Variants in ABLIM1 observed in about 807,000 individuals in gnomAD.
ABLIM1 encodes the protein actin binding LIM protein 1.
In ABLIM1, 40 loss-of-function variants were observed where a neutral mutation model predicts 107.0. That is an observed-to-expected ratio of 0.37 (90% CI 0.29 to 0.49). The LOEUF is 0.49. ABLIM1 is among the 20% of genes least tolerant of loss of function. The probability of loss-of-function intolerance (pLI) is 0.97; values close to 1 mark genes in which losing one functional copy is unlikely to be tolerated. For synonymous variants in ABLIM1, 357 were observed against 357.3 expected (o/e 1.00, Z 0.01); for missense variants, 857 against 1,008.5 (o/e 0.85, Z 2.04).
intron 2 of ABLIM1, among the ~76,000 whole-genome samples, chr10:114,587,596 G>A (rs995112183): frequency 6.6e-6 from 1 of 152,062 alleles, no homozygotes; most frequent in East Asian, 1.9e-4. Flanking sequence ...GGAGCATCAC[G>A]GTTCCATTTA....
rs2077308608 is a variant in ABLIM1, at chr10:114,619,161, AT to A, written c.245-17201del. 6.7e-6 allele frequency among the ~76,000 whole-genome samples: 1 copy of A among 149,954 alleles called. No homozygotes were observed. Among genetic ancestry groups the A allele is most frequent in the Admixed American group, 6.6e-5 (1 of 15,132 alleles). ...GGTGAACTCTCTCCAAAGCCCTTAAATTATATTTTTTCTTTTTTTTTTCTTT... is the reference window on the plus strand; with the variant it reads ...GGTGAACTCTCTCCAAAGCCCTTAAATATATTTTTTCTTTTTTTTTTCTTT... On this transcript the variant is annotated intron_variant, in intron 1 of 22. Coordinates refer to ENST00000533213, the MANE Select transcript of ABLIM1 (RefSeq NM_002313.7). This position sits in a 1 kb window ranked among gnomAD's most constrained non-coding sequence, Gnocchi z 4.1.
At chr10:114,512,248 G>C (rs2061987753) in intron 6 of ABLIM1, among the ~76,000 whole-genome samples, 1 of 152,218 alleles carries the variant, frequency 6.6e-6, no homozygotes, top group Non-Finnish European at 1.5e-5. Flanking sequence ...GAAAGAAAAT[G>C]TGTTACAATC....
the ABLIM1 span, among the ~76,000 whole-genome samples, chr10:114,776,725 C>T: frequency 6.6e-5 from 10 of 152,146 alleles, no homozygotes; most frequent in Admixed American, 2.0e-4. Context: ...CCTGAGCTCC[C>T]GCCTCAGCCT....
chr10:114,468,976 C>T (rs183983391), intron 10 of ABLIM1, among the ~76,000 whole-genome samples: 105 of 149,628 alleles, frequency 7.0e-4, no homozygotes, highest in Middle Eastern at 3.5e-3. Context: ...GGCGTGAACC[C>T]GGAAGGCGAA....
intron 4 of ABLIM1, 82 bp from the exon 5 acceptor site, chr10:114,547,858 G>A: frequency 2.0e-6 from 3 of 1,535,992 alleles, no homozygotes; most frequent in South Asian, 2.4e-5. Flanking sequence ...ACCCCACTGT[G>A]TGCCCATCAC....
chr10:114,589,553 A>G (rs1281480962), intron 2 of ABLIM1, among the ~76,000 whole-genome samples: 3 of 149,228 alleles, frequency 2.0e-5, no homozygotes, highest in Admixed American at 6.7e-5. Context: ...AGAGAGAGAG[A>G]GAGGGGCTTG....
intron 22 of ABLIM1, 54 bp from the exon 23 acceptor site, chr10:114,436,427 A>C: frequency 3.7e-6 from 5 of 1,359,692 alleles, no homozygotes; most frequent in Non-Finnish European, 4.2e-6. Flanking sequence ...GGCCACACAA[A>C]TGGCCTTGAG....
At chr10:114,439,075 A>G in intron 21 of ABLIM1, 101 bp downstream of exon 21, 1 of 1,425,476 alleles carries the variant, frequency 7.0e-7, no homozygotes, top group Non-Finnish European at 9.8e-7. Context: ...ACCTGAACAC[A>G]CCAGCCTACA....
chr10:114,647,928 G>A (rs570572597), intron 1 of ABLIM1, among the ~76,000 whole-genome samples: 1 of 152,304 alleles, frequency 6.6e-6, no homozygotes, highest in South Asian at 2.1e-4. Flanking sequence ...AATGTTTGCA[G>A]ACCTTTATGT....
rs564561651 is a variant in ABLIM1, at chr10:114,647,279, G to A, written c.244+10678C>T. 2.5e-4 allele frequency among the ~76,000 whole-genome samples: 37 copies of A among 145,762 alleles called. 1 individual carries two copies. The South Asian group carries it at 7.1e-3, about 28-fold the overall frequency. On this transcript the variant is annotated intron_variant, in intron 1 of 22. Coordinates refer to ENST00000533213, the MANE Select transcript of ABLIM1 (RefSeq NM_002313.7). Reference sequence around the variant, plus strand: ...CTCCCAAAGTACTGAGATTACAGGCGTGAGCCACCGTGCCCAGCCTAGGCA... The same window carrying A: ...CTCCCAAAGTACTGAGATTACAGGCATGAGCCACCGTGCCCAGCCTAGGCA...
chr10:114,589,434 T>C (rs2074590530), intron 2 of ABLIM1, among the ~76,000 whole-genome samples: 1 of 151,226 alleles, frequency 6.6e-6, no homozygotes, highest in Non-Finnish European at 1.5e-5. Context: ...GAGGCTGAAG[T>C]ATGAGAATTA....
intron 6 of ABLIM1, among the ~76,000 whole-genome samples, chr10:114,500,756 G>A (rs1484301414): frequency 1.5e-5 from 2 of 134,500 alleles, no homozygotes; most frequent in African/African-American, 2.8e-5. Flanking sequence ...GGGAAGGGAA[G>A]GGAAGGGAAG....
chr10:114,751,812 A>G (rs2082519964), intron 1 of ABLIM1, among the ~76,000 whole-genome samples: 1 of 151,900 alleles, frequency 6.6e-6, no homozygotes, highest in African/African-American at 2.4e-5. Context: ...CACAGGGGGG[A>G]AATGGAAAGA....
chr10:114,439,259 G>GA lies in ABLIM1; in HGVS notation c.2068-10dup. ...TGGCCATCTGGGAGTGTCTGCAACAGAAATGCCAGTTCCAGGTGAGGCATG... is the reference window on the plus strand; with the variant it reads ...TGGCCATCTGGGAGTGTCTGCAACAGAAAATGCCAGTTCCAGGTGAGGCATG... On this transcript the variant is annotated splice_polypyrimidine_tract_variant and intron_variant, in intron 20 of 22. Coordinates refer to ENST00000533213, the MANE Select transcript of ABLIM1 (RefSeq NM_002313.7). 6.2e-7 allele frequency: 1 copy of GA among 1,614,216 alleles called. No individual in the cohort carries two copies. Among genetic ancestry groups the GA allele is most frequent in the Non-Finnish European group, 8.5e-7 (1 of 1,180,022 alleles).
At chr10:114,684,324 G>A in exon 1 of ABLIM1, 2 of 1,614,152 alleles carry the variant, frequency 1.2e-6, no homozygotes, top group Non-Finnish European at 1.7e-6. Flanking sequence ...GAGGGTCCGT[G>A]AGCTCAGTCA....
At chr10:114,455,905 T>G (rs1048631336) in intron 12 of ABLIM1, among the ~76,000 whole-genome samples, 3 of 151,348 alleles carry the variant, frequency 2.0e-5, no homozygotes, top group African/African-American at 7.3e-5. Context: ...CTCCGCCTCC[T>G]GGGTTCACGC....
At position 114,447,978 on chromosome 10, in the gene ABLIM1, T is replaced by C; in HGVS notation, c.1637A>G (p.Lys546Arg). 1 of 1,614,154 alleles carries C rather than the reference T, an allele frequency of 6.2e-7. No homozygotes were observed. The highest frequency in any genetic ancestry group is 1.1e-5 in the South Asian group (1 of 91,082). ...CTGGGCTGCTGGGAACTTGGAAAAC[T>C]TGATGATATCTTCTGAGGACTTGCT... ...AQSKSSEDII[K>R]FSKFPAAQAP... The change falls in exon 15 of 23, where the codon AAG (lysine) becomes AGG (arginine). Residue 546 changes from lysine (K) to arginine (R), a missense_variant. Transcript: ENST00000533213.
At chr10:114,706,969 G>C (rs572559248) in intron 1 of ABLIM1, among the ~76,000 whole-genome samples, 7 of 152,202 alleles carry the variant, frequency 4.6e-5, no homozygotes, top group African/African-American at 1.7e-4. Flanking sequence ...CATACAGAAT[G>C]GTGTATTGTA....
chr10:114,596,547 A>C (rs2075434098), intron 2 of ABLIM1, among the ~76,000 whole-genome samples: 1 of 152,166 alleles, frequency 6.6e-6, no homozygotes. Flanking sequence ...TAAATGGATG[A>C]GTAACTCATG....
Sources: gnomAD v4.1 joint callset for allele counts (sites outside exome capture counted in the v4.1 genomes callset) on GRCh38, gnomAD v4.1.1 for gene constraint, Gnocchi (gnomAD v3.1) non-coding constraint, MANE v1.5 for transcripts, NCBI Gene and HGNC (gene_info 2026-07-23, HGNC 2026-07-21) for gene names.